MUC12: variants seen among roughly 807,000 people sequenced by gnomAD.
The protein encoded by MUC12 is mucin 12, cell surface associated, also known as mucin-12.
In MUC12, 172 loss-of-function variants were observed where a neutral mutation model predicts 230.8. That is an observed-to-expected ratio of 0.75 (90% CI 0.66 to 0.85). The LOEUF (loss-of-function observed/expected upper bound fraction) is 0.85. MUC12 is among the 40% of genes least tolerant of loss of function. The probability of loss-of-function intolerance (pLI) is 0.00; values close to 1 mark genes in which losing one functional copy is unlikely to be tolerated. For synonymous variants in MUC12, 1,259 were observed against 2,401.9 expected, an observed-to-expected ratio of 0.52 and a Z score of 13.91; for missense variants, 3,506 against 5,920.6, an observed-to-expected ratio of 0.59 and a Z score of 13.38.
chr7:101,006,762 A>G (rs2116348085), intron 3 of MUC12, among the ~76,000 whole-genome samples, 190 bp downstream of exon 3: 1 of 152,126 alleles, frequency 6.6e-6, no homozygotes, highest in East Asian at 1.9e-4. Flanking sequence ...AAGGTAGAAA[A>G]ATGGGGTGGT....
At position 100,991,931 on chromosome 7, in the gene MUC12, T is replaced by C. The variant is rs754777912; in HGVS notation, c.1368T>C (p.Ser456=). The C allele has an allele frequency of 4.6e-6, 7 of 1,537,852 alleles. No homozygotes were observed. In the South Asian group the frequency reaches 7.1e-5, roughly 16 times the overall value. The change falls in exon 2 of 12, where the codon TCT becomes TCC. Residue 456 remains serine, a synonymous_variant. Transcript: ENST00000536621. ...AMATTVLPAG[S]TPSVLVGDST... ...CAACAACAGTCTTACCTGCCGGCTC[T>C]ACACCCTCAGTTCTTGTTGGAGACT...
intron 1 of MUC12, among the ~76,000 whole-genome samples, chr7:100,973,550 T>A (rs563305112): frequency 5.3e-4 from 50 of 94,842 alleles, no homozygotes; most frequent in South Asian, 1.4e-3. Flanking sequence ...TCTATTTTTT[T>A]AAATTTATTT....
At chr7:100,970,517 GAAAT>G (rs956141601) in intron 1 of MUC12, among the ~76,000 whole-genome samples, 2 of 145,032 alleles carry the variant, frequency 1.4e-5, no homozygotes, top group East Asian at 2.0e-4. Context: ...AAGAAAGAGA[GAAAT>G]AAAGAAAGAA....
intron 1 of MUC12, chr7:100,972,925 A>G: frequency 1.4e-6 from 1 of 703,072 alleles, no homozygotes; most frequent in Non-Finnish European, 2.6e-6. Flanking sequence ...CACTCTGAGA[A>G]GGCAGAAAAA....
In MUC12 at chr7:100,995,948, A is replaced by C. The variant is rs868280283; in HGVS notation, c.5385A>C (p.Glu1795Asp). The C allele has an allele frequency of 4.6e-6, 5 of 1,096,230 alleles. No individual in the cohort carries two copies. The highest frequency in any genetic ancestry group is 1.3e-6 in the Non-Finnish European group (1 of 793,452). 67.9% of individuals were successfully genotyped at this position (1,096,230 alleles called of 1,614,324 possible). ...GCTCCACAGCTTCAGGTCGTAGTGA[A>C]GAATCAAGAACTTCCCACAGCAGCA... ...PESSTASGRS[E>D]ESRTSHSSTT... Residue 1795 changes from glutamate (E) to aspartate (D), a missense_variant, in exon 2 of 12, where the codon GAA (glutamate) becomes GAC (aspartate). Transcript: ENST00000536621.
At chr7:100,988,292 A>C (rs183483736) in intron 1 of MUC12, among the ~76,000 whole-genome samples, 7,923 of 146,182 alleles carry the variant, frequency 0.054, 193 homozygotes, top group Non-Finnish European at 0.06. Flanking sequence ...TGTCCCAGAA[A>C]AAAAAAAAAA....
intron 1 of MUC12, among the ~76,000 whole-genome samples, chr7:100,987,224 G>A (rs947204209): frequency 2.0e-5 from 3 of 151,968 alleles, no homozygotes; most frequent in Admixed American, 6.6e-5. Context: ...ATGCTACCAT[G>A]CCTGGCTAAT....
intron 9 of MUC12, 199 bp from the exon 10 acceptor site, chr7:101,015,415 GC>G: frequency 3.4e-6 from 2 of 580,658 alleles, no homozygotes; most frequent in South Asian, 4.0e-5. Context: ...GTGAGGGGCA[GC>G]CAGGAGGCCT....
chr7:100,992,531 G>C lies in MUC12; in HGVS notation c.1968G>C (p.Glu656Asp). Residue 656 changes from glutamate to aspartate, a missense_variant, in exon 2 of 12, where the codon GAG becomes GAC. Physicochemically the swap from Glu to Asp is conservative, Grantham distance 45. Coordinates refer to ENST00000536621, the MANE Select transcript of MUC12 (RefSeq NM_001164462.2). The stretch of plus-strand genomic sequence containing the variant: ...CTACTACCACATCAGCCTTTGTTGA[G>C]CCATCTACAACCTCCCACGGCAGCC... ...APPTTTSAFV[E>D]PSTTSHGSPS... The C allele has an allele frequency of 6.5e-7, 1 of 1,537,962 alleles. No homozygotes were observed. The highest frequency in any genetic ancestry group is 1.7e-4 in the Middle Eastern group (1 of 5,996).
rs1584843649 is a variant in MUC12, at chr7:101,004,793, A to G, written c.14230A>G (p.Ser4744Gly). ...TGCAAAATCTACCATCCTTTACAGT[A>G]GCTCCAGATCACCAGACCAAACACT... is the stretch of plus-strand genomic sequence containing the variant. ...LSAKSTILYS[S>G]SRSPDQTLSP... The change falls in exon 2 of 12, where the codon AGC (serine) becomes GGC (glycine). Residue 4744 changes from serine to glycine, a missense_variant. Physicochemically the swap from Ser to Gly is moderately conservative, Grantham distance 56 (BLOSUM62 0). Coordinates refer to ENST00000536621, the MANE Select transcript of MUC12 (RefSeq NM_001164462.2). 1.3e-6 allele frequency: 2 copies of G among 1,537,776 alleles called. No homozygotes were observed. Among genetic ancestry groups the G allele is most frequent in the East Asian group, 2.4e-5 (1 of 40,916 alleles).
At chr7:100,989,565 T>C (rs1255898761) in intron 1 of MUC12, among the ~76,000 whole-genome samples, 1 of 152,164 alleles carries the variant, frequency 6.6e-6, no homozygotes, top group African/African-American at 2.4e-5. Context: ...CCTGAGCACC[T>C]TGATAGATGA....
Position 100,992,380 on chromosome 7 carries a change from T to C in MUC12, c.1817T>C (p.Met606Thr), listed in dbSNP as rs10953313. The change falls in exon 2 of 12, where the codon ATG becomes ACG. Residue 606 changes from methionine (M) to threonine (T), a missense_variant. Transcript: ENST00000536621. Reference sequence around the variant, plus strand: ...GCCTCAGGACTCCTTGAAGCATCTATGCCCGTCCACAGCAGCACCAGATCG... The same window carrying C: ...GCCTCAGGACTCCTTGAAGCATCTACGCCCGTCCACAGCAGCACCAGATCG... ...TTASGLLEAS[M>T]PVHSSTRSPH... The C allele has an allele frequency of 0.74, 1,134,953 of 1,537,680 alleles. 419,765 individuals are homozygous for C. The highest frequency in any genetic ancestry group is 0.83 in the East Asian group (33,786 of 40,916).
intron 1 of MUC12, among the ~76,000 whole-genome samples, chr7:100,970,021 C>G (rs1430561436): frequency 6.6e-6 from 1 of 152,310 alleles, no homozygotes; most frequent in African/African-American, 2.4e-5. Context: ...CTCTGCCTGC[C>G]CTCATCCTGG....
intron 1 of MUC12, among the ~76,000 whole-genome samples, chr7:100,979,964 G>T (rs1159783330): frequency 1.3e-4 from 19 of 151,704 alleles, no homozygotes; most frequent in Admixed American, 1.2e-3. Flanking sequence ...AGTTCCAGGC[G>T]CAGTGAGCTA....
chr7:101,010,758 G>C (rs935563250), intron 5 of MUC12, among the ~76,000 whole-genome samples: 1 of 151,882 alleles, frequency 6.6e-6, no homozygotes, highest in Non-Finnish European at 1.5e-5. Context: ...CAAGTGATCC[G>C]CCCGCCTTGG....
chr7:101,016,062 GGTGA>G (rs1428717432), intron 10 of MUC12, among the ~76,000 whole-genome samples: 2 of 152,152 alleles, frequency 1.3e-5, no homozygotes, highest in Non-Finnish European at 2.9e-5. Flanking sequence ...CTCTTGAATA[GGTGA>G]GTAAGCAGGT....
intron 1 of MUC12, among the ~76,000 whole-genome samples, chr7:100,976,922 G>T (rs527417727): frequency 3.3e-5 from 5 of 151,734 alleles, no homozygotes; most frequent in African/African-American, 4.8e-5. Flanking sequence ...ATGGTGGCAG[G>T]TTCCTGTAAT....
At position 101,017,748 on chromosome 7, in the gene MUC12, C is replaced by T. The variant is rs1390530357; in HGVS notation, c.15966+85C>T. ...CTCTTCCCCCGGGACTCCCTTCTCC[C>T]CCTGGGACTCCCTTCTCCCCCTGGG... On this transcript the variant is annotated intron_variant, in intron 11 of 11. Transcript: ENST00000536621. 5.4e-6 allele frequency: 5 copies of T among 919,174 alleles called. No individual in the cohort carries two copies. In the African/African-American group the frequency reaches 8.1e-5, roughly 15 times the overall value. 56.9% of individuals were successfully genotyped at this position (919,174 alleles called of 1,614,324 possible).
At chr7:100,981,417 C>T (rs1048410323) in intron 1 of MUC12, 55 of 631,658 alleles carry the variant, frequency 8.7e-5, no homozygotes, top group African/African-American at 3.4e-4. Context: ...CAGGGGACGA[C>T]GGGGATGGCA....
Sources: gnomAD v4.1 joint callset for allele counts (sites outside exome capture counted in the v4.1 genomes callset) on GRCh38, gnomAD v4.1.1 for gene constraint, MANE v1.5 for transcripts, NCBI Gene and HGNC (gene_info 2026-07-23, HGNC 2026-07-21) for gene names.